The following OPCML variants were observed in gnomAD, a reference collection of about 807,000 sequenced individuals.
OPCML encodes opioid binding protein/cell adhesion molecule like, also known as opioid-binding protein/cell adhesion molecule.
A neutral mutation model predicts 37.8 loss-of-function variants in OPCML; 13 were observed. That is an observed-to-expected ratio of 0.34 (90% CI 0.22 to 0.55). The LOEUF is 0.55. OPCML is among the 20% of genes least tolerant of loss of function. The pLI, the probability that OPCML is intolerant of heterozygous loss-of-function variation, is 0.91. For synonymous variants in OPCML, 176 were observed against 168.8 expected (o/e 1.04, Z -0.33); for missense variants, 341 against 435.6 (o/e 0.78, Z 1.93).
chr11:133,387,558 A>G (rs1451095628), intron 1 of OPCML, among the ~76,000 whole-genome samples: 1 of 152,240 alleles, frequency 6.6e-6, no homozygotes, highest in Non-Finnish European at 1.5e-5. Context: ...CCGGTTGTGT[A>G]AACTTGAGAA....
chr11:132,436,305 T>C (rs2136738972), intron 6 of OPCML, 68 bp from the exon 7 acceptor site: 1 of 1,610,356 alleles, frequency 6.2e-7, no homozygotes, highest in Non-Finnish European at 8.5e-7. Context: ...CAAACTCTTT[T>C]CTCCAACTAA....
intron 4 of OPCML, among the ~76,000 whole-genome samples, chr11:132,498,839 G>T (rs1327663355): frequency 2.6e-5 from 4 of 152,156 alleles, no homozygotes; most frequent in Admixed American, 2.6e-4. Flanking sequence ...ATTGAAATGG[G>T]ACACTGTAGA....
intron 1 of OPCML, among the ~76,000 whole-genome samples, chr11:133,313,076 T>C (rs936464269): frequency 2.4e-4 from 36 of 152,250 alleles, no homozygotes; most frequent in Admixed American, 1.3e-4. Context: ...CGTTTATCTT[T>C]ATGGTATTTA....
At chr11:133,025,138 T>C (rs913309103) in intron 1 of OPCML, 5 of 561,740 alleles carry the variant, frequency 8.9e-6, no homozygotes, top group African/African-American at 8.2e-5. Flanking sequence ...TTGGGAGTAA[T>C]TAGAATGTTA....
chr11:133,329,020 G>C (rs1232410314), intron 1 of OPCML, among the ~76,000 whole-genome samples: 1 of 152,118 alleles, frequency 6.6e-6, no homozygotes, highest in Non-Finnish European at 1.5e-5. Context: ...AAAATCACAA[G>C]CATTCTTATA....
intron 1 of OPCML, chr11:133,004,543 G>A: frequency 1.0e-6 from 1 of 985,410 alleles, no homozygotes; most frequent in South Asian, 4.7e-5. Flanking sequence ...GCACCTCTTG[G>A]CCGTCCTGAC....
At chr11:132,554,284 C>G (rs1252738678) in intron 3 of OPCML, among the ~76,000 whole-genome samples, 1 of 152,208 alleles carries the variant, frequency 6.6e-6, no homozygotes, top group East Asian at 1.9e-4. Flanking sequence ...AGACTGTAGG[C>G]CAAAACTACA....
chr11:133,019,104 T>C (rs968384936), intron 1 of OPCML, among the ~76,000 whole-genome samples: 1 of 152,324 alleles, frequency 6.6e-6, no homozygotes, highest in African/African-American at 2.4e-5. Context: ...AGCAGGACTG[T>C]CTTGCTTTTG....
chr11:132,651,469 T>A (rs1184410445), intron 3 of OPCML, among the ~76,000 whole-genome samples: 1 of 152,152 alleles, frequency 6.6e-6, no homozygotes, highest in African/African-American at 2.4e-5. Flanking sequence ...CCTCGATGAG[T>A]AAGTCTAGTG....
chr11:133,111,208 T>C (rs1307851223), intron 1 of OPCML, among the ~76,000 whole-genome samples: 3 of 152,170 alleles, frequency 2.0e-5, no homozygotes, highest in Non-Finnish European at 4.4e-5. Context: ...AAATGTGCTA[T>C]GACCCCAGCA....
At chr11:132,596,432 A>G (rs924544560) in intron 3 of OPCML, among the ~76,000 whole-genome samples, 1 of 152,128 alleles carries the variant, frequency 6.6e-6, no homozygotes, top group African/African-American at 2.4e-5. Flanking sequence ...TTATTCTATG[A>G]AGACAAAACA....
intron 2 of OPCML, among the ~76,000 whole-genome samples, chr11:132,788,977 A>G (rs1316532735): frequency 6.6e-6 from 1 of 152,166 alleles, no homozygotes; most frequent in Admixed American, 6.5e-5. Context: ...GTTCCTCTCT[A>G]GTATCAGCTT....
intron 2 of OPCML, among the ~76,000 whole-genome samples, chr11:132,729,688 A>G (rs1945009313): frequency 6.6e-6 from 1 of 152,220 alleles, no homozygotes; most frequent in Admixed American, 6.5e-5. Context: ...CCTTAAGATT[A>G]CATTCTTAGT....
intron 1 of OPCML, chr11:133,360,099 C>T (rs539617855): frequency 6.6e-6 from 1 of 152,180 alleles, no homozygotes; most frequent in Non-Finnish European, 1.5e-5. Flanking sequence ...TGCCAGGCAC[C>T]GTGCTAGGAA....
At chr11:132,875,786 G>T (rs562324476) in intron 2 of OPCML, among the ~76,000 whole-genome samples, 1 of 152,206 alleles carries the variant, frequency 6.6e-6, no homozygotes, top group Admixed American at 6.5e-5. Flanking sequence ...TTTATTGAAG[G>T]TCTCCTTTCC....
At chr11:133,119,463 C>T (rs1240057731) in intron 1 of OPCML, among the ~76,000 whole-genome samples, 1 of 152,238 alleles carries the variant, frequency 6.6e-6, no homozygotes, top group East Asian at 1.9e-4. Flanking sequence ...CATCTACCCA[C>T]TCCTGGGTCC....
rs148278101 is a variant in OPCML at position 132,874,091 on chromosome 11, G to T, written c.146+68835C>A. 7.2e-3 allele frequency among the ~76,000 whole-genome samples: 1,098 copies of T among 152,236 alleles called. 6 individuals are homozygous for T. Among genetic ancestry groups the T allele is most frequent in the Non-Finnish European group, 0.011 (773 of 68,010 alleles). On this transcript the variant is annotated intron_variant, in intron 2 of 7. Coordinates refer to ENST00000524381, the MANE Select transcript of OPCML (RefSeq NM_001012393.5). ...CATTACGAAGGTTCTGACCATTCAGGGTTTGGGTTCCGCCTCCTGAGTCTC... is the reference window on the plus strand; with the variant it reads ...CATTACGAAGGTTCTGACCATTCAGTGTTTGGGTTCCGCCTCCTGAGTCTC...
intron 1 of OPCML, among the ~76,000 whole-genome samples, chr11:133,193,528 C>A (rs1050720073): frequency 6.6e-6 from 1 of 152,216 alleles, no homozygotes; most frequent in South Asian, 2.1e-4. Flanking sequence ...ACCACAAAGA[C>A]AATATTTTCC....
intron 1 of OPCML, among the ~76,000 whole-genome samples, chr11:132,993,406 G>A (rs916067455): frequency 1.3e-5 from 2 of 152,180 alleles, no homozygotes; most frequent in Non-Finnish European, 2.9e-5. Flanking sequence ...CCATCTGGTT[G>A]ATGTTACATT....
Sources: gnomAD v4.1 joint callset for allele counts (sites outside exome capture counted in the v4.1 genomes callset) on GRCh38, gnomAD v4.1.1 for gene constraint, MANE v1.5 for transcripts, NCBI Gene and HGNC (gene_info 2026-07-23, HGNC 2026-07-21) for gene names.